Variants in AAR2 observed in about 807,000 individuals in gnomAD.
The protein encoded by AAR2 is AAR2 splicing factor.
In AAR2, 31 loss-of-function variants were observed where a neutral mutation model predicts 26.9. The ratio of observed to expected loss-of-function variants is 1.15; its 90% CI spans 0.86 to 1.55. The LOEUF (loss-of-function observed/expected upper bound fraction) is 1.55, where lower values mean the gene tolerates loss of function less well. Among genes scored for constraint, AAR2 ranks in the 40% most tolerant of loss-of-function variants. AAR2 has a pLI of 0.00. For synonymous variants in AAR2, 188 were observed against 196.1 expected, an observed-to-expected ratio of 0.96 and a Z score of 0.34; for missense variants, 430 against 491.3, an observed-to-expected ratio of 0.88 and a Z score of 1.18.
At chr20:36,249,017 G>C (rs975522571) in intron 3 of AAR2, among the ~76,000 whole-genome samples, 1 of 152,036 alleles carries the variant, frequency 6.6e-6, no homozygotes, top group African/African-American at 2.4e-5. Context: ...TCAGCCAGCC[G>C]CCTGCCCTCC....
Position 36,242,362 on chromosome 20 carries a change from CTTT to C in AAR2, c.757+1739_757+1741del, listed in dbSNP as rs112360321. ...ATAACCTATATTTTAACAGGTACATCTTTTGTTGTTGTTGTTGTTGTTGTTGTT... is the reference window on the plus strand; with the variant it reads ...ATAACCTATATTTTAACAGGTACATCTGTTGTTGTTGTTGTTGTTGTTGTT... On this transcript the variant is annotated intron_variant, in intron 2 of 3. Transcript: ENST00000320849. Among the ~76,000 whole-genome samples the C allele has an allele frequency of 3.6e-3, 493 of 138,726 alleles. 3 individuals are homozygous for C. Among genetic ancestry groups the C allele is most frequent in the Middle Eastern group, 0.015 (4 of 274 alleles). 91.0% of individuals were successfully genotyped at this position (138,726 alleles called of 152,430 possible).
At chr20:36,253,520 T>G (rs964223387) in intron 3 of AAR2, among the ~76,000 whole-genome samples, 4 of 152,186 alleles carry the variant, frequency 2.6e-5, no homozygotes, top group African/African-American at 9.7e-5. Context: ...GGATGCTCTG[T>G]GAAACTTCTT....
chr20:36,246,244 C>A (rs753444051), intron 3 of AAR2, among the ~76,000 whole-genome samples: 1 of 152,152 alleles, frequency 6.6e-6, no homozygotes, highest in Non-Finnish European at 1.5e-5. Context: ...TGATTGACAT[C>A]AGTGAAGACT....
Position 36,240,524 on chromosome 20 carries a change from G to A in AAR2, c.656G>A (p.Gly219Asp). 6.2e-7 allele frequency: 1 copy of A among 1,613,992 alleles called. No homozygotes were observed. Among genetic ancestry groups the A allele is most frequent in the South Asian group, 1.1e-5 (1 of 91,080 alleles). The change falls in exon 2 of 4, where the codon GGT (glycine) becomes GAT (aspartate). Residue 219 changes from glycine to aspartate, a missense_variant. Transcript: ENST00000320849. The part of the protein sequence containing the change: ...SELPTQMFPE[G>D]ATPAEITKHS... ...CTGCCCACGCAGATGTTCCCAGAGG[G>A]TGCCACGCCAGCTGAGATAACCAAG...
chr20:36,241,447 C>T (rs2064679512), intron 2 of AAR2, among the ~76,000 whole-genome samples: 1 of 152,068 alleles, frequency 6.6e-6, no homozygotes, highest in Non-Finnish European at 1.5e-5. Context: ...GTTATTGGAC[C>T]AGTTCTCTGT....
intron 3 of AAR2, among the ~76,000 whole-genome samples, chr20:36,245,578 G>A (rs905553773): frequency 6.6e-6 from 1 of 152,216 alleles, no homozygotes; most frequent in African/African-American, 2.4e-5. Context: ...AGAAGAGGCA[G>A]AAGCTGCCAC....
chr20:36,248,072 TC>T (rs1163680340), intron 3 of AAR2, among the ~76,000 whole-genome samples: 2 of 152,174 alleles, frequency 1.3e-5, no homozygotes, highest in Admixed American at 1.3e-4. Context: ...ATTTTCCCTC[TC>T]CCTGGTACAT....
chr20:36,251,456 T>C (rs1477596253), intron 3 of AAR2, among the ~76,000 whole-genome samples: 1 of 152,172 alleles, frequency 6.6e-6, no homozygotes, highest in Non-Finnish European at 1.5e-5. Flanking sequence ...GACTATGCCC[T>C]GTGTCCTGGA....
At chr20:36,240,774 C>T (rs2064672867) in intron 2 of AAR2, 149 bp downstream of exon 2, 1 of 1,126,734 alleles carries the variant, frequency 8.9e-7, no homozygotes, top group Admixed American at 2.9e-5. Context: ...ACCCTTAGCC[C>T]TGGAGATTTC....
At chr20:36,249,332 A>G (rs1479955174) in intron 3 of AAR2, among the ~76,000 whole-genome samples, 1 of 152,222 alleles carries the variant, frequency 6.6e-6, no homozygotes, top group Non-Finnish European at 1.5e-5. Context: ...AGTCACCATA[A>G]TTCATTTAAA....
intron 3 of AAR2, among the ~76,000 whole-genome samples, chr20:36,253,773 G>A (rs1268380762): frequency 6.6e-6 from 1 of 152,088 alleles, no homozygotes; most frequent in Admixed American, 6.5e-5. Context: ...TTTACAAATG[G>A]GCAAGGAAGT....
At chr20:36,254,855 C>T (rs1484069087) in intron 3 of AAR2, among the ~76,000 whole-genome samples, 1 of 152,176 alleles carries the variant, frequency 6.6e-6, no homozygotes, top group Non-Finnish European at 1.5e-5. Flanking sequence ...GCCTCACCCA[C>T]CTCAAACGTG....
Position 36,240,238 on chromosome 20 carries a change from C to A in AAR2, c.370C>A (p.Pro124Thr), listed in dbSNP as rs6121183. ...CCAGGAGCTGGACCAGTTCCTGGGG[C>A]CTTACCCATATGCCACCCTGAAGAA... Reference protein sequence around the residue: ...NLQELDQFLGPYPYATLKKWI... With the variant: ...NLQELDQFLGTYPYATLKKWI... The change falls in exon 2 of 4, where the codon CCT becomes ACT. Residue 124 changes from proline to threonine, a missense_variant. Physicochemically the swap from Pro to Thr is conservative, Grantham distance 38. Transcript: ENST00000320849. 752 of 1,614,210 alleles carry A rather than the reference C, an allele frequency of 4.7e-4. 6 individuals are homozygous for A. The African/African-American group carries it at 8.8e-3, about 19-fold the overall frequency.
At chr20:36,247,701 T>C (rs1476675248) in intron 3 of AAR2, among the ~76,000 whole-genome samples, 1 of 152,034 alleles carries the variant, frequency 6.6e-6, no homozygotes, top group Non-Finnish European at 1.5e-5. Flanking sequence ...AACCCCCATG[T>C]CTACTAAAAA....
chr20:36,250,929 G>T (rs1298846251), intron 3 of AAR2, among the ~76,000 whole-genome samples: 1 of 152,124 alleles, frequency 6.6e-6, no homozygotes, highest in African/African-American at 2.4e-5. Context: ...AGGCGTGGTG[G>T]CTCATGCCTC....
intron 2 of AAR2, among the ~76,000 whole-genome samples, chr20:36,241,814 C>T (rs1161490992): frequency 6.6e-6 from 1 of 152,048 alleles, no homozygotes; most frequent in African/African-American, 2.4e-5. Context: ...TGAACATTCT[C>T]GTGTGTACTT....
intron 1 of AAR2, among the ~76,000 whole-genome samples, chr20:36,238,075 C>T (rs1442050619): frequency 9.9e-5 from 15 of 152,018 alleles, no homozygotes; most frequent in Non-Finnish European, 1.6e-4. Flanking sequence ...TGAGCCACCA[C>T]GCCCGGCCTG....
chr20:36,248,154 ATC>A (rs1184941296), intron 3 of AAR2, among the ~76,000 whole-genome samples: 1 of 151,578 alleles, frequency 6.6e-6, no homozygotes, highest in Non-Finnish European at 1.5e-5. Flanking sequence ...CTCTGTCTCA[ATC>A]TCTGTCTCTC....
intron 3 of AAR2, among the ~76,000 whole-genome samples, chr20:36,253,181 G>A (rs888164782): frequency 3.9e-5 from 6 of 151,972 alleles, no homozygotes; most frequent in Admixed American, 1.3e-4. Context: ...GGAAGACAGC[G>A]GAGAAGCAGG....
Sources: allele counts gnomAD v4.1 joint callset (sites outside exome capture counted in the v4.1 genomes callset), GRCh38; gene constraint gnomAD v4.1.1; transcripts MANE v1.5; gene names NCBI Gene and HGNC (gene_info 2026-07-23, HGNC 2026-07-21).